Variants in ESCO2 observed in about 807,000 individuals in gnomAD.
ESCO2 encodes the protein establishment of sister chromatid cohesion N-acetyltransferase 2.
ESCO2 carries 51 observed loss-of-function variants against 61.7 expected under a neutral mutation model. The ratio of observed to expected loss-of-function variants is 0.83; its 90% CI spans 0.66 to 1.04. The LOEUF (loss-of-function observed/expected upper bound fraction) is 1.04, where lower values mean the gene tolerates loss of function less well. Ranked by LOEUF, ESCO2 falls within the 50% of genes least tolerant of loss-of-function variation. The probability of loss-of-function intolerance (pLI) is 0.00; values close to 1 mark genes in which losing one functional copy is unlikely to be tolerated. For missense variants in ESCO2, 692 were observed against 686.2 expected (o/e 1.01, Z -0.09); for synonymous variants, 230 against 238.2 (o/e 0.97, Z 0.32).
intron 1 of ESCO2, 118 bp from the exon 2 acceptor site, chr8:27,775,381 A>C (rs1308415465): frequency 1.1e-6 from 1 of 888,448 alleles, no homozygotes; most frequent in African/African-American, 1.6e-5. Context: ...ATGTCGAGGA[A>C]GACCTCCCAG....
chr8:27,788,585 C>T (rs1162580906), intron 6 of ESCO2, among the ~76,000 whole-genome samples: 1 of 151,994 alleles, frequency 6.6e-6, no homozygotes, highest in African/African-American at 2.4e-5. Context: ...TCTCTAACTC[C>T]TTGGCTCAAG....
chr8:27,803,171 T>G (rs1805488197), intron 10 of ESCO2, 135 bp from the exon 11 acceptor site: 1 of 774,722 alleles, frequency 1.3e-6, no homozygotes, highest in African/African-American at 1.7e-5. Context: ...GACTTCTGTC[T>G]CTAAAATATA....
Position 27,777,056 on chromosome 8 carries a change from A to C in ESCO2, c.748A>C (p.Ser250Arg). The change falls in exon 3 of 11, where the codon AGT (serine) becomes CGT (arginine). Residue 250 changes from serine (S) to arginine (R), a missense_variant. Ser to Arg is a moderately radical substitution (Grantham distance 110, BLOSUM62 -1). Coordinates refer to ENST00000305188, the MANE Select transcript of ESCO2 (RefSeq NM_001017420.3). ...VIEDSDVETV[S>R]EKKTFATRQV... ...TGAAGATTCTGATGTAGAGACTGTC[A>C]GTGAAAAAAAAACTTTTGCGACAAG... 6.2e-7 allele frequency: 1 copy of C among 1,607,894 alleles called. No individual in the cohort carries two copies. Among genetic ancestry groups the C allele is most frequent in the Non-Finnish European group, 8.5e-7 (1 of 1,178,660 alleles).
At chr8:27,797,293 T>G (rs945440635) in intron 9 of ESCO2, among the ~76,000 whole-genome samples, 8 of 152,212 alleles carry the variant, frequency 5.3e-5, no homozygotes, top group African/African-American at 1.9e-4. Context: ...TTACAACTGT[T>G]TTATCTTAAT....
downstream of ESCO2, chr8:27,811,453 G>A (rs545434582): frequency 5.1e-4 from 235 of 463,822 alleles, 1 homozygote; most frequent in African/African-American, 4.4e-3. Flanking sequence ...AAAGACATGT[G>A]TGTGCAAGCT....
At chr8:27,779,866 C>T in intron 3 of ESCO2, 1 of 271,892 alleles carries the variant, frequency 3.7e-6, no homozygotes, top group South Asian at 4.2e-5. Flanking sequence ...AGGGTTTCAC[C>T]ATGTTAGCCA....
chr8:27,772,213 G>T (rs1361404334), upstream of ESCO2: 3 of 543,936 alleles, frequency 5.5e-6, no homozygotes, highest in Admixed American at 9.7e-5. Context: ...GAGCCCACAG[G>T]CTCTGCCCAA....
chr8:27,785,738 A>G (rs1438635622), intron 5 of ESCO2, among the ~76,000 whole-genome samples: 2 of 152,142 alleles, frequency 1.3e-5, no homozygotes, highest in Non-Finnish European at 2.9e-5. Flanking sequence ...TATTTGTTAA[A>G]TAATATGATA....
At chr8:27,779,969 T>C in intron 3 of ESCO2, 1 of 505,074 alleles carries the variant, frequency 2.0e-6, no homozygotes, top group South Asian at 2.1e-5. Context: ...CCTGCTGTAC[T>C]CTGGCTTTAA....
At chr8:27,785,278 T>TG (rs759483941) in intron 5 of ESCO2, among the ~76,000 whole-genome samples, 1 of 152,226 alleles carries the variant, frequency 6.6e-6, no homozygotes, top group Non-Finnish European at 1.5e-5. Flanking sequence ...ACACCTCTTA[T>TG]TAGGCCCCAC....
intron 4 of ESCO2, among the ~76,000 whole-genome samples, chr8:27,781,587 G>A (rs1222638123): frequency 6.9e-6 from 1 of 145,636 alleles, no homozygotes; most frequent in Non-Finnish European, 1.5e-5. Context: ...TTGAGATGGA[G>A]TTTCACTGTG....
chr8:27,773,070 T>A (rs1804690434), upstream of ESCO2, among the ~76,000 whole-genome samples: 1 of 152,184 alleles, frequency 6.6e-6, no homozygotes, highest in Non-Finnish European at 1.5e-5. Context: ...GTAAAGCTCC[T>A]ACAGCACTTG....
At chr8:27,817,874 A>T in the ESCO2 span, among the ~76,000 whole-genome samples, 1 of 152,188 alleles carries the variant, frequency 6.6e-6, no homozygotes, top group African/African-American at 2.4e-5. Flanking sequence ...GAAACTTTCT[A>T]TGATGATTAA....
In ESCO2 at chr8:27,780,191, A is replaced by G. The variant is rs1221022157; in HGVS notation, c.879A>G (p.Arg293=). The change falls in exon 4 of 11, where the codon AGA becomes AGG. Residue 293 remains arginine (R), a synonymous_variant. Transcript: ENST00000305188. ...EKLIKDSSDD[R]VSSKEHKVDK... ...ATTTTCAGGATTCATCAGATGACAG[A>G]GTTTCTTCAAAGGAACATAAAGTTG... 2 of 1,608,434 alleles carry G rather than the reference A, an allele frequency of 1.2e-6. No homozygotes were observed. Among genetic ancestry groups the G allele is most frequent in the South Asian group, 1.1e-5 (1 of 90,458 alleles).
chr8:27,798,347 C>G (rs1286351187), intron 9 of ESCO2, among the ~76,000 whole-genome samples: 5 of 152,006 alleles, frequency 3.3e-5, no homozygotes, highest in Non-Finnish European at 7.4e-5. Flanking sequence ...GTAATCCCAG[C>G]TACTTGGGAG....
chr8:27,818,068 A>G, the ESCO2 span, among the ~76,000 whole-genome samples: 27 of 152,182 alleles, frequency 1.8e-4, 1 homozygote, highest in Admixed American at 1.7e-3. Context: ...CACCCTCCCC[A>G]TAATGGTGGC....
chr8:27,802,663 T>TATAC (rs1805474827), intron 10 of ESCO2, among the ~76,000 whole-genome samples: 1 of 127,558 alleles, frequency 7.8e-6, no homozygotes, highest in Non-Finnish European at 1.7e-5. Context: ...ATATTATATA[T>TATAC]ATATATATAT....
chr8:27,799,537 G>A lies in ESCO2; in HGVS notation c.1498-4G>A, dbSNP rs2128957608. 6.2e-7 allele frequency: 1 copy of A among 1,613,754 alleles called. No individual in the cohort carries two copies. ...GCTATAGATGCTTCTGTATATCATT[G>A]CAGGCATTTCGTGTCCTGTCTGAAC... On this transcript the variant is annotated splice_polypyrimidine_tract_variant and splice_region_variant and intron_variant, in intron 9 of 10. Coordinates refer to ENST00000305188, the MANE Select transcript of ESCO2 (RefSeq NM_001017420.3).
At chr8:27,789,021 C>G (rs1235035414) in intron 7 of ESCO2, 43 bp downstream of exon 7, 1 of 1,612,674 alleles carries the variant, frequency 6.2e-7, no homozygotes, top group East Asian at 2.2e-5. Context: ...AGAAGTAAAA[C>G]TAAAAGAGAC....
Sources: gnomAD v4.1 joint callset for allele counts (sites outside exome capture counted in the v4.1 genomes callset) on GRCh38, gnomAD v4.1.1 for gene constraint, MANE v1.5 for transcripts, NCBI Gene and HGNC (gene_info 2026-07-23, HGNC 2026-07-21) for gene names.